Variants in AKT1S1 observed in about 807,000 individuals in gnomAD.
AKT1S1 encodes proline-rich AKT1 substrate 1.
In AKT1S1, 17 loss-of-function variants were observed where a neutral mutation model predicts 21.2. The observed-to-expected ratio is 0.80, with a 90% CI of 0.55 to 1.20. The LOEUF is 1.20. Ranked by LOEUF, AKT1S1 falls within the 50% of genes most tolerant of loss-of-function variation. AKT1S1 has a pLI of 0.00. For synonymous variants in AKT1S1, 181 were observed against 165.6 expected (o/e 1.09, Z -0.72); for missense variants, 366 against 368.3 (o/e 0.99, Z 0.05).
In AKT1S1 at chr19:49,869,118, A is replaced by C. The variant is rs1198943195; in HGVS notation, c.*799T>G. ...CCCCCAACCCCTCACTCTCTCCCCC[A>C]CACCAGGGCCGGAGAGTGAGGGCCC... On this transcript the variant is annotated 3_prime_UTR_variant, in exon 5 of 5. Transcript: ENST00000344175. 6.6e-6 allele frequency: 1 copy of C among 152,304 alleles called. No homozygotes were observed. Among genetic ancestry groups the C allele is most frequent in the Admixed American group, 6.5e-5 (1 of 15,280 alleles). 9.4% of individuals were successfully genotyped at this position (152,304 alleles called of 1,614,324 possible). A position where few individuals can be genotyped will look rare whatever the true frequency, so the allele number is the denominator to read the frequency against.
At position 49,872,986 on chromosome 19, in the gene AKT1S1, CGTT is replaced by C; in HGVS notation, c.307_309del (p.Asn103del). 6.3e-7 allele frequency: 1 copy of C among 1,596,652 alleles called. No homozygotes were observed. The highest frequency in any genetic ancestry group is 8.5e-7 in the Non-Finnish European group (1 of 1,172,996). On this transcript the variant is annotated inframe_deletion, in exon 2 of 5. Transcript: ENST00000344175. ...TCTGTGGGCTCATCCTCGTCCTCCTCGTTGTCCTCTCTGGCCAGGGTAGGCCGG... is the reference window on the plus strand; with the variant it reads ...TCTGTGGGCTCATCCTCGTCCTCCTCGTCCTCTCTGGCCAGGGTAGGCCGG...
chr19:49,876,824 C>T (rs2074953091), intron 1 of AKT1S1: 1 of 668,668 alleles, frequency 1.5e-6, no homozygotes, highest in East Asian at 3.4e-5. Flanking sequence ...CCGCCTAGAG[C>T]ATTTCCATTT....
At chr19:49,877,516 T>G (rs1425693868), upstream of AKT1S1, 2 of 560,582 alleles carry the variant, frequency 3.6e-6, no homozygotes, top group Non-Finnish European at 6.3e-6. Context: ...CGGATCCACC[T>G]TCAGCGTCTG....
In AKT1S1 at chr19:49,869,594, C is replaced by A. The variant is rs904597554; in HGVS notation, c.*323G>T. On this transcript the variant is annotated 3_prime_UTR_variant, in exon 5 of 5. Transcript: ENST00000344175. ...TGGAGCCAATGCCGTGCGAGCAAAT[C>A]CCTTGTCGCTAGGCGGAAAACAAAG... is the stretch of plus-strand genomic sequence containing the variant. 2 of 250,912 alleles carry A rather than the reference C, an allele frequency of 8.0e-6. No individual in the cohort carries two copies. Among genetic ancestry groups the A allele is most frequent in the Non-Finnish European group, 1.5e-5 (2 of 131,338 alleles). 15.5% of individuals were successfully genotyped at this position (250,912 alleles called of 1,614,324 possible). A position where few individuals can be genotyped will look rare whatever the true frequency, so the allele number is the denominator to read the frequency against.
At chr19:49,876,010 A>G in intron 1 of AKT1S1, 12 of 985,358 alleles carry the variant, frequency 1.2e-5, no homozygotes, top group South Asian at 4.7e-5. Flanking sequence ...CAGGAGGGGG[A>G]GCACGATGTG....
At chr19:49,876,424 G>A (rs1398049036) in intron 1 of AKT1S1, among the ~76,000 whole-genome samples, 1 of 152,226 alleles carries the variant, frequency 6.6e-6, no homozygotes, top group East Asian at 1.9e-4. Flanking sequence ...AGGTCTGACA[G>A]GACGATTCCC....
At chr19:49,870,087 C>A (rs775087643) in intron 4 of AKT1S1, 27 bp from the exon 5 acceptor site, 2 of 1,490,556 alleles carry the variant, frequency 1.3e-6, no homozygotes, top group African/African-American at 2.9e-5. Flanking sequence ...GGGGCGAGGT[C>A]AGCGCCGGCA....
Position 49,869,708 on chromosome 19 carries a change from A to AGTG in AKT1S1, c.*208_*209insCAC. The AGTG allele has an allele frequency of 2.0e-6, 1 of 505,410 alleles. No homozygotes were observed. 31.3% of individuals were successfully genotyped at this position (505,410 alleles called of 1,614,324 possible). ...TAGGCGGAGAGAGACGACAGACCCA[A>AGTG]TCGGGAAACGGGACAGATGCCGCTC... On this transcript the variant is annotated 3_prime_UTR_variant, in exon 5 of 5. Coordinates refer to ENST00000344175, the MANE Select transcript of AKT1S1 (RefSeq NM_001098633.4).
rs1377433436 is a variant in AKT1S1 at position 49,876,624 on chromosome 19, G to C, written c.-8+613C>G. ...TCACGTGCCCGTAGCCAGCATGGCC[G>C]GCCCGGCGCCGTCACCGCCCTCAAA... On this transcript the variant is annotated intron_variant, in intron 1 of 4. Transcript: ENST00000344175. 2.6e-6 allele frequency: 4 copies of C among 1,530,564 alleles called. No individual in the cohort carries two copies. The South Asian group carries it at 4.8e-5, about 19-fold the overall frequency. 94.8% of individuals were successfully genotyped at this position (1,530,564 alleles called of 1,614,324 possible).
intron 4 of AKT1S1, among the ~76,000 whole-genome samples, 180 bp from the exon 5 acceptor site, chr19:49,870,240 C>G (rs1375522767): frequency 6.6e-6 from 1 of 152,210 alleles, no homozygotes; most frequent in Non-Finnish European, 1.5e-5. Context: ...ACGTAGGAAC[C>G]CTTCTACCCG....
In AKT1S1 at chr19:49,873,727, C is replaced by G. The variant is rs2074911671; in HGVS notation, c.-7-425G>C. ...GCCGAACGAGCCGGGCGTGGTGGCT[C>G]AGGCCTGCAACCCCAGCACTTTGGG... On this transcript the variant is annotated intron_variant, in intron 1 of 4. Transcript: ENST00000344175. The surrounding 1 kb of genome is among the most constrained non-coding windows in gnomAD (Gnocchi z 6.9). 1 of 165,924 alleles carries G rather than the reference C, an allele frequency of 6.0e-6. No individual in the cohort carries two copies. The highest frequency in any genetic ancestry group is 1.3e-5 in the Non-Finnish European group (1 of 78,418). 10.3% of individuals were successfully genotyped at this position (165,924 alleles called of 1,614,324 possible). A position where few individuals can be genotyped will look rare whatever the true frequency, so the allele number is the denominator to read the frequency against.
chr19:49,877,693 A>T (rs776938150), upstream of AKT1S1: 11 of 1,597,418 alleles, frequency 6.9e-6, no homozygotes, highest in African/African-American at 1.3e-4. Context: ...GAAAAGGAGG[A>T]GGCGGGGCAG....
chr19:49,875,567 C>A (rs570367591), intron 1 of AKT1S1, among the ~76,000 whole-genome samples: 85 of 152,390 alleles, frequency 5.6e-4, no homozygotes, highest in African/African-American at 1.9e-3. Flanking sequence ...CCAAAGTCAA[C>A]TGCCTCGCCG....
intron 1 of AKT1S1, chr19:49,876,064 G>A (rs1358303202): frequency 2.0e-6 from 2 of 985,746 alleles, no homozygotes; most frequent in Non-Finnish European, 1.2e-6. Flanking sequence ...GAGCTAAGGA[G>A]GAGAGGGGTG....
At chr19:49,876,163 C>A in intron 1 of AKT1S1, 1 of 1,002,500 alleles carries the variant, frequency 1.0e-6, no homozygotes, top group Non-Finnish European at 1.2e-6. Context: ...GGGTGAGCGC[C>A]TGGGGCCACG....
chr19:49,878,078 C>T (rs2074974306), upstream of AKT1S1: 1 of 1,362,690 alleles, frequency 7.3e-7, no homozygotes, highest in Non-Finnish European at 1.0e-6. Context: ...GGGCCCGTCC[C>T]TATTGGCTCC....
intron 2 of AKT1S1, among the ~76,000 whole-genome samples, chr19:49,872,241 TAA>T (rs1162453880): frequency 1.3e-5 from 2 of 152,182 alleles, no homozygotes; most frequent in African/African-American, 4.8e-5. Flanking sequence ...CCAGAGAAGT[TAA>T]GTCACTTGCC....
In AKT1S1 at chr19:49,870,000, C is replaced by T. The variant is rs866325660; in HGVS notation, c.688G>A (p.Ala230Thr). 2 of 1,547,028 alleles carry T rather than the reference C, an allele frequency of 1.3e-6. No homozygotes were observed. Among genetic ancestry groups the T allele is most frequent in the Non-Finnish European group, 1.7e-6 (2 of 1,143,420 alleles). ...ASMRALVLRE[A>T]EDTQVFGDLP... ...TCCCCGAAGACCTGGGTGTCCTCGG[C>T]CTCTCGCAGCACCAGCGCGCGCATG... Residue 230 changes from alanine (A) to threonine (T), a missense_variant, in exon 5 of 5, where the codon GCC becomes ACC. Physicochemically the swap from Ala to Thr is moderately conservative, Grantham distance 58. Coordinates refer to ENST00000344175, the MANE Select transcript of AKT1S1 (RefSeq NM_001098633.4).
upstream of AKT1S1, chr19:49,877,889 C>G: frequency 9.7e-7 from 1 of 1,027,488 alleles, no homozygotes; most frequent in African/African-American, 1.6e-5. Flanking sequence ...GTCACCCTCC[C>G]GTCCACCGCC....
Sources: gnomAD v4.1 joint callset for allele counts (sites outside exome capture counted in the v4.1 genomes callset) on GRCh38, gnomAD v4.1.1 for gene constraint, Gnocchi (gnomAD v3.1) non-coding constraint, MANE v1.5 for transcripts, NCBI Gene and HGNC (gene_info 2026-07-23, HGNC 2026-07-21) for gene names.